The following VPS13B variants were observed in gnomAD, a reference collection of about 807,000 sequenced individuals.
VPS13B encodes intermembrane lipid transfer protein VPS13B.
VPS13B carries 285 observed loss-of-function variants against 426.4 expected under a neutral mutation model. The observed-to-expected ratio is 0.67, with a 90% confidence interval of 0.61 to 0.74. The LOEUF is 0.74. VPS13B is among the 30% of genes least tolerant of loss of function. VPS13B has a pLI of 0.00. For missense variants in VPS13B, 4,537 were observed against 4,782.6 expected (o/e 0.95, Z 1.51); for synonymous variants, 1,676 against 1,676.4 (o/e 1.00, Z 0.01).
chr8:99,606,458 A>G (rs1827578204), intron 33 of VPS13B, among the ~76,000 whole-genome samples: 1 of 150,458 alleles, frequency 6.6e-6, no homozygotes, highest in Non-Finnish European at 1.5e-5. Flanking sequence ...TAAGCTCAGG[A>G]ATTCAAGAGC....
At chr8:99,783,587 G>A (rs757108975) in intron 42 of VPS13B, among the ~76,000 whole-genome samples, 10 of 152,150 alleles carry the variant, frequency 6.6e-5, no homozygotes, top group South Asian at 6.2e-4. Flanking sequence ...ACAAAGGAAC[G>A]TATTATTAAT....
At chr8:99,172,460 A>ATTATCTTATAAAGATAACCT (rs1812394499) in intron 16 of VPS13B, among the ~76,000 whole-genome samples, 1 of 152,110 alleles carries the variant, frequency 6.6e-6, no homozygotes, top group South Asian at 2.1e-4. Flanking sequence ...TCTCTTATAA[A>ATTATCTTATAAAGATAACCT]CTCTTTCTAA....
At chr8:99,380,403 C>T (rs1424076044) in intron 19 of VPS13B, among the ~76,000 whole-genome samples, 1 of 152,050 alleles carries the variant, frequency 6.6e-6, no homozygotes. Context: ...TTATGACTCC[C>T]ATTTTGCAAT....
intron 8 of VPS13B, among the ~76,000 whole-genome samples, chr8:99,126,492 A>G (rs1848190240): frequency 6.6e-6 from 1 of 152,230 alleles, no homozygotes; most frequent in Non-Finnish European, 1.5e-5. Context: ...CTGGAGGACA[A>G]GATCAATGCA....
At chr8:99,017,453 A>G (rs1841679030) in intron 2 of VPS13B, among the ~76,000 whole-genome samples, 1 of 151,898 alleles carries the variant, frequency 6.6e-6, no homozygotes, top group Non-Finnish European at 1.5e-5. Context: ...CAAGATTGTC[A>G]TAACTATTTT....
chr8:99,535,470 C>G (rs2133706386), intron 30 of VPS13B, among the ~76,000 whole-genome samples: 1 of 152,260 alleles, frequency 6.6e-6, no homozygotes, highest in Non-Finnish European at 1.5e-5. Context: ...CCTTGCTCAT[C>G]ATTTCTAACA....
intron 39 of VPS13B, among the ~76,000 whole-genome samples, chr8:99,759,077 G>A (rs1810785340): frequency 6.6e-6 from 1 of 151,792 alleles, no homozygotes; most frequent in Non-Finnish European, 1.5e-5. Flanking sequence ...CTAACTTTTT[G>A]GTCATTCTCT....
At chr8:99,753,264 T>A (rs888441300) in intron 39 of VPS13B, among the ~76,000 whole-genome samples, 6 of 152,162 alleles carry the variant, frequency 3.9e-5, no homozygotes, top group African/African-American at 1.4e-4. Flanking sequence ...CTTCCTAAAT[T>A]TTTGTGGGTA....
Position 99,784,297 on chromosome 8 carries a change from G to A in VPS13B, c.7780-18G>A, listed in dbSNP as rs781012951. 35 of 1,613,308 alleles carry A rather than the reference G, an allele frequency of 2.2e-5. No individual in the cohort carries two copies. Among genetic ancestry groups the A allele is most frequent in the African/African-American group, 4.0e-5 (3 of 74,838 alleles). ...ATTAATCCGATCCATGTTGGCTTTC[G>A]TATCCTTTTTCTTTCAGAACAAATG... On this transcript the variant is annotated intron_variant, in intron 42 of 61. Transcript: ENST00000357162.
intron 23 of VPS13B, among the ~76,000 whole-genome samples, chr8:99,467,096 C>G (rs1819148747): frequency 6.6e-6 from 1 of 152,068 alleles, no homozygotes; most frequent in African/African-American, 2.4e-5. Context: ...TCTCTGGCCT[C>G]CAGGGTTTGC....
intron 44 of VPS13B, among the ~76,000 whole-genome samples, chr8:99,812,728 T>A (rs1474653187): frequency 6.6e-6 from 1 of 152,204 alleles, no homozygotes; most frequent in Non-Finnish European, 1.5e-5. Flanking sequence ...AAATCTCAAA[T>A]GTACACATGT....
chr8:99,721,045 C>G lies in VPS13B; in HGVS notation c.7048C>G (p.Gln2350Glu). 6.2e-7 allele frequency: 1 copy of G among 1,613,836 alleles called. No homozygotes were observed. Among genetic ancestry groups the G allele is most frequent in the South Asian group, 1.1e-5 (1 of 91,074 alleles). ...ISTADLGDVLQVPCSLEYWDE... is the reference protein window; with the variant it reads ...ISTADLGDVLEVPCSLEYWDE... The stretch of plus-strand genomic sequence containing the variant: ...CACAGCAGACCTTGGTGATGTGCTA[C>G]AGGTATGTAATGACCATTCATTGTA... Residue 2350 changes from glutamine to glutamate, a missense_variant and splice_region_variant, in exon 39 of 62, where the codon CAG (glutamine) becomes GAG (glutamate). Gln to Glu is a conservative substitution (Grantham distance 29). Coordinates refer to ENST00000357162, the MANE Select transcript of VPS13B (RefSeq NM_152564.5).
In VPS13B at chr8:99,431,576, A is replaced by G; in HGVS notation, c.3122A>G (p.Asn1041Ser). 7 of 1,613,556 alleles carry G rather than the reference A, an allele frequency of 4.3e-6. No homozygotes were observed. Among genetic ancestry groups the G allele is most frequent in the Non-Finnish European group, 5.9e-6 (7 of 1,179,766 alleles). The part of the protein sequence containing the change: ...PLSVPVKAML[N>S]ISESCRSPEE... ...TCAGTTCCTGTTAAAGCCATGTTGA[A>G]TATATCTGAAAGCTGTAGAAGTCCT... The change falls in exon 22 of 62, where the codon AAT becomes AGT. Residue 1041 changes from asparagine (N) to serine (S), a missense_variant. By Grantham distance (46) the Asn-to-Ser change is conservative. This residue lies in a region of VPS13B where 4,311 missense variants were observed against 4,474.3 expected (regional missense o/e 0.96). Coordinates refer to ENST00000357162, the MANE Select transcript of VPS13B (RefSeq NM_152564.5).
chr8:99,226,836 A>G (rs28537806), intron 17 of VPS13B, among the ~76,000 whole-genome samples: 1,955 of 152,322 alleles, frequency 0.013, 42 homozygotes, highest in African/African-American at 0.043. Context: ...TAATCAGGTC[A>G]GAATATTTGG....
intron 19 of VPS13B, among the ~76,000 whole-genome samples, chr8:99,350,467 G>A (rs925940069): frequency 3.3e-5 from 5 of 152,142 alleles, no homozygotes; most frequent in Admixed American, 2.0e-4. Context: ...GAATGTTGTA[G>A]CAGTTCTTAT....
At chr8:99,256,748 T>C (rs547191857) in intron 17 of VPS13B, among the ~76,000 whole-genome samples, 74 of 152,278 alleles carry the variant, frequency 4.9e-4, no homozygotes, top group African/African-American at 1.6e-3. Context: ...TTTTTTGTTG[T>C]TATTTAGGTC....
chr8:99,103,162 A>C, intron 5 of VPS13B, 42 bp downstream of exon 5: 1 of 1,605,722 alleles, frequency 6.2e-7, no homozygotes, highest in Non-Finnish European at 8.5e-7. Context: ...TCCATAATTG[A>C]AACAATTACC....
At chr8:99,328,198 T>C (rs1009932480) in intron 19 of VPS13B, among the ~76,000 whole-genome samples, 2 of 152,170 alleles carry the variant, frequency 1.3e-5, no homozygotes, top group Non-Finnish European at 2.9e-5. Context: ...CATGAGAATC[T>C]AATGTCTGAT....
intron 15 of VPS13B, among the ~76,000 whole-genome samples, chr8:99,160,989 G>A (rs2132636607): frequency 1.3e-5 from 2 of 152,290 alleles, no homozygotes; most frequent in African/African-American, 4.8e-5. Flanking sequence ...TTGCAAAAGG[G>A]TGTGGACACA....
Sources: gnomAD v4.1 joint callset for allele counts (sites outside exome capture counted in the v4.1 genomes callset) on GRCh38, gnomAD v4.1.1 for gene constraint, gnomAD v4.1.1 regional missense constraint, MANE v1.5 for transcripts, NCBI Gene and HGNC (gene_info 2026-07-23, HGNC 2026-07-21) for gene names.